Variants in NEBL observed in about 807,000 individuals in gnomAD.
The protein encoded by NEBL is nebulette.
In NEBL, 122 loss-of-function variants were observed where a neutral mutation model predicts 140.2. The ratio of observed to expected loss-of-function variants is 0.87; its 90% CI spans 0.75 to 1.01. The LOEUF (loss-of-function observed/expected upper bound fraction) is 1.01. Among genes scored for constraint, NEBL ranks in the 50% least tolerant of loss-of-function variants. The pLI, the probability that NEBL is intolerant of heterozygous loss-of-function variation, is 0.00. For missense variants in NEBL, 1,365 were observed against 1,231.3 expected, an observed-to-expected ratio of 1.11 and a Z score of -1.62; for synonymous variants, 436 against 398.9, an observed-to-expected ratio of 1.09 and a Z score of -1.11.
At chr10:20,908,005 G>T (rs1848171056) in intron 4 of NEBL, among the ~76,000 whole-genome samples, 1 of 152,170 alleles carries the variant, frequency 6.6e-6, no homozygotes, top group Non-Finnish European at 1.5e-5. Context: ...ATATAAAAAT[G>T]ATGGGAGGCA....
At chr10:21,027,830 G>C (rs1028937922) in intron 2 of NEBL, among the ~76,000 whole-genome samples, 13 of 152,156 alleles carry the variant, frequency 8.5e-5, no homozygotes, top group African/African-American at 3.1e-4. Flanking sequence ...GAAGATGATA[G>C]AAGGTTTAAA....
chr10:20,818,248 T>C (rs1042707526), intron 20 of NEBL, among the ~76,000 whole-genome samples: 3 of 149,414 alleles, frequency 2.0e-5, no homozygotes, highest in African/African-American at 4.9e-5. Context: ...TTTGTTTGTA[T>C]TGGTGAAAGT....
At chr10:21,280,619 C>CTT (rs554320752) in intron 1 of NEBL, among the ~76,000 whole-genome samples, 5,903 of 98,030 alleles carry the variant, frequency 0.06, 474 homozygotes, top group African/African-American at 0.11. Flanking sequence ...TTTCTTTTTC[C>CTT]TTTTTTTTTT....
At chr10:20,998,445 A>C (rs1222500298) in intron 3 of NEBL, among the ~76,000 whole-genome samples, 4 of 152,210 alleles carry the variant, frequency 2.6e-5, no homozygotes, top group Non-Finnish European at 4.4e-5. Flanking sequence ...TAACTCATTC[A>C]TTCATCTAGA....
chr10:20,952,974 C>T (rs1835575751), intron 4 of NEBL, among the ~76,000 whole-genome samples: 2 of 150,544 alleles, frequency 1.3e-5, no homozygotes, highest in Admixed American at 1.3e-4. Flanking sequence ...GAAATTAGCT[C>T]ATGATAGCAG....
intron 26 of NEBL, chr10:20,793,183 A>G (rs1224622975): frequency 5.1e-6 from 1 of 194,784 alleles, no homozygotes; most frequent in Non-Finnish European, 9.3e-6. Flanking sequence ...ACTGCATAAT[A>G]AACTAAGAAT....
intron 4 of NEBL, among the ~76,000 whole-genome samples, chr10:20,913,219 A>T (rs1288682530): frequency 6.6e-6 from 1 of 152,192 alleles, no homozygotes; most frequent in Non-Finnish European, 1.5e-5. Flanking sequence ...GAGTTCAGAC[A>T]GCCACAGGCA....
At chr10:21,225,636 A>G (rs12356009) in intron 3 of NEBL, among the ~76,000 whole-genome samples, 45,228 of 151,926 alleles carry the variant, frequency 0.3, 7,414 homozygotes, top group African/African-American at 0.43. Flanking sequence ...CTTTTCCACA[A>G]GCAGAGGAGT....
In NEBL at chr10:21,255,753, T is replaced by C. The variant is rs554806763; in HGVS notation, n.183-3925A>G. Among the ~76,000 whole-genome samples the C allele has an allele frequency of 2.0e-5, 3 of 152,204 alleles. No individual in the cohort carries two copies. The South Asian group carries it at 6.2e-4, about 32-fold the overall frequency. ...TGGCTCACACCGGTAATCCCAACAC[T>C]TTGGGAGGCCAAGGTGGGCAGATCA... On this transcript the variant is annotated intron_variant and non_coding_transcript_variant, in intron 1 of 8. Coordinates refer to the NEBL transcript ENST00000675702.
chr10:20,936,661 G>C (rs932773465), intron 4 of NEBL, among the ~76,000 whole-genome samples: 2 of 152,180 alleles, frequency 1.3e-5, no homozygotes, highest in African/African-American at 2.4e-5. Context: ...CTCTTTCTTG[G>C]CAACTTCTCA....
At chr10:21,246,809 G>A (rs761873125) in intron 3 of NEBL, among the ~76,000 whole-genome samples, 12 of 152,078 alleles carry the variant, frequency 7.9e-5, no homozygotes, top group Non-Finnish European at 1.5e-4. Context: ...ACTCCAGCCT[G>A]GGTGACAGAG....
At chr10:21,047,246 C>T (rs1412425446) in intron 2 of NEBL, among the ~76,000 whole-genome samples, 1 of 152,184 alleles carries the variant, frequency 6.6e-6, no homozygotes, top group African/African-American at 2.4e-5. Context: ...AAGTAACAGA[C>T]ACTGATTATG....
At chr10:20,873,308 G>A (rs1488463885) in intron 5 of NEBL, among the ~76,000 whole-genome samples, 1 of 152,134 alleles carries the variant, frequency 6.6e-6, no homozygotes, top group East Asian at 1.9e-4. Flanking sequence ...ATGACAATGT[G>A]GTGCTCTATA....
chr10:20,864,866 C>G (rs903187065), intron 7 of NEBL, among the ~76,000 whole-genome samples: 1 of 152,120 alleles, frequency 6.6e-6, no homozygotes, highest in Non-Finnish European at 1.5e-5. Context: ...ATTTTCCCAG[C>G]TTTCCCCTTT....
intron 3 of NEBL, among the ~76,000 whole-genome samples, chr10:21,246,551 T>A (rs772560576): frequency 2.0e-5 from 3 of 152,030 alleles, no homozygotes; most frequent in Non-Finnish European, 4.4e-5. Flanking sequence ...GGGAGGCCAG[T>A]GCAAGAGGAT....
intron 3 of NEBL, among the ~76,000 whole-genome samples, chr10:21,181,092 T>C (rs1841379067): frequency 6.6e-6 from 1 of 151,644 alleles, no homozygotes; most frequent in South Asian, 2.1e-4. Flanking sequence ...CAAAACCCCA[T>C]CTCTACTAAA....
chr10:21,093,300 G>A (rs1241204919), intron 2 of NEBL, among the ~76,000 whole-genome samples: 2 of 152,040 alleles, frequency 1.3e-5, no homozygotes, highest in Admixed American at 1.3e-4. Context: ...CAGCCCAGAA[G>A]CATTGGACGC....
At chr10:21,214,588 TAC>T (rs1437379287) in intron 3 of NEBL, among the ~76,000 whole-genome samples, 3 of 149,734 alleles carry the variant, frequency 2.0e-5, no homozygotes, top group East Asian at 2.0e-4. Flanking sequence ...ACATGCACAT[TAC>T]ACACACATAT....
chr10:20,793,007 A>G (rs1472276400), intron 26 of NEBL, among the ~76,000 whole-genome samples: 1 of 152,164 alleles, frequency 6.6e-6, no homozygotes. Flanking sequence ...TTTATATGCA[A>G]TCTAGAAACA....
Sources: gnomAD v4.1 joint callset for allele counts (sites outside exome capture counted in the v4.1 genomes callset) on GRCh38, gnomAD v4.1.1 for gene constraint, MANE v1.5 for transcripts, NCBI Gene and HGNC (gene_info 2026-07-23, HGNC 2026-07-21) for gene names.